MSH4: variants seen among roughly 807,000 people sequenced by gnomAD.
MSH4 encodes the protein mutS protein homolog 4.
Under a neutral mutation model 113.7 loss-of-function variants are expected in MSH4, and 106 were observed. The observed-to-expected ratio is 0.93, with a 90% CI of 0.80 to 1.10. The LOEUF (loss-of-function observed/expected upper bound fraction) is 1.10, where lower values mean the gene tolerates loss of function less well. MSH4 is among the 50% of genes least tolerant of loss of function. MSH4 has a pLI of 0.00. For synonymous variants in MSH4, 368 were observed against 380.2 expected, an observed-to-expected ratio of 0.97 and a Z score of 0.37; for missense variants, 1,061 against 1,093.7, an observed-to-expected ratio of 0.97 and a Z score of 0.42.
At chr1:75,901,117 A>G (rs1652496123) in intron 19 of MSH4, among the ~76,000 whole-genome samples, 1 of 152,198 alleles carries the variant, frequency 6.6e-6, no homozygotes, top group African/African-American at 2.4e-5. Flanking sequence ...AAATCAGGGT[A>G]GTTGGGATAG....
intron 7 of MSH4, among the ~76,000 whole-genome samples, chr1:75,823,420 C>T (rs1650474649): frequency 6.6e-6 from 1 of 152,088 alleles, no homozygotes; most frequent in South Asian, 2.1e-4. Context: ...GGAGAACTCA[C>T]CCTAACACAG....
At chr1:75,842,666 G>T (rs1038844197) in intron 7 of MSH4, among the ~76,000 whole-genome samples, 1 of 152,210 alleles carries the variant, frequency 6.6e-6, no homozygotes, top group Admixed American at 6.5e-5. Context: ...CGAGCCTTCT[G>T]TTATGCCCGG....
chr1:75,850,603 AC>A (rs1380396154), intron 8 of MSH4, among the ~76,000 whole-genome samples: 1 of 152,060 alleles, frequency 6.6e-6, no homozygotes, highest in Non-Finnish European at 1.5e-5. Flanking sequence ...TTCCATGTGA[AC>A]TTGAAAACAA....
chr1:75,862,627 T>C (rs933647590), intron 8 of MSH4, among the ~76,000 whole-genome samples: 1 of 152,210 alleles, frequency 6.6e-6, no homozygotes, highest in African/African-American at 2.4e-5. Flanking sequence ...TTATTTCTTA[T>C]AATGTTTCTC....
At chr1:75,886,696 T>C (rs1652126993) in intron 15 of MSH4, among the ~76,000 whole-genome samples, 1 of 130,830 alleles carries the variant, frequency 7.6e-6, no homozygotes, top group South Asian at 2.2e-4. Context: ...TAATGTATAA[T>C]ATATAAATAT....
chr1:75,895,389 A>C (rs927362742), intron 17 of MSH4, among the ~76,000 whole-genome samples: 1 of 152,218 alleles, frequency 6.6e-6, no homozygotes, highest in African/African-American at 2.4e-5. Context: ...AAGACCTTTC[A>C]GGAATGAAGA....
At chr1:75,892,260 C>T (rs980410225) in intron 17 of MSH4, among the ~76,000 whole-genome samples, 2 of 152,128 alleles carry the variant, frequency 1.3e-5, no homozygotes, top group Non-Finnish European at 2.9e-5. Flanking sequence ...TGGAGTTGTA[C>T]CATTGGCTCT....
intron 19 of MSH4, among the ~76,000 whole-genome samples, chr1:75,909,597 TCCCGCA>T (rs1652743765): frequency 6.6e-6 from 1 of 152,004 alleles, no homozygotes; most frequent in African/African-American, 2.4e-5. Context: ...AGGTTTTAAG[TCCCGCA>T]TGCATTAGAT....
At chr1:75,844,407 A>C (rs1253692997) in intron 7 of MSH4, among the ~76,000 whole-genome samples, 1 of 152,138 alleles carries the variant, frequency 6.6e-6, no homozygotes, top group Non-Finnish European at 1.5e-5. Flanking sequence ...GCTCACTGCA[A>C]CTTCTATCTC....
At position 75,822,429 on chromosome 1, in the gene MSH4, G is replaced by A. The variant is rs1359575088; in HGVS notation, c.1010G>A (p.Gly337Asp). Residue 337 changes from glycine to aspartate, a missense_variant, in exon 7 of 20, where the codon GGT becomes GAT. Coordinates refer to ENST00000263187, the MANE Select transcript of MSH4 (RefSeq NM_002440.4). ...GAAAGGAATAATCACACTCTCTTTG[G>A]TGTTCTAAATTATACTAAGACTCCT... ...QDYRNNHTLFGVLNYTKTPGG... is the reference protein window; with the variant it reads ...QDYRNNHTLFDVLNYTKTPGG... 1 of 1,561,114 alleles carries A rather than the reference G, an allele frequency of 6.4e-7. No individual in the cohort carries two copies. The highest frequency in any genetic ancestry group is 8.6e-7 in the Non-Finnish European group (1 of 1,161,082).
chr1:75,905,925 T>G (rs999576788), intron 19 of MSH4, among the ~76,000 whole-genome samples: 1 of 152,172 alleles, frequency 6.6e-6, no homozygotes. Context: ...CCTTTACTTT[T>G]AGTCTAGTAT....
At chr1:75,804,887 G>A (rs903763426) in intron 2 of MSH4, among the ~76,000 whole-genome samples, 1 of 152,018 alleles carries the variant, frequency 6.6e-6, no homozygotes, top group African/African-American at 2.4e-5. Flanking sequence ...GGAATGCAGT[G>A]GCACAACTTG....
chr1:75,832,959 A>G (rs779293805), intron 7 of MSH4, among the ~76,000 whole-genome samples: 15 of 152,164 alleles, frequency 9.9e-5, no homozygotes, highest in Non-Finnish European at 2.1e-4. Context: ...AGAAAGAAAT[A>G]AAGGGTATTC....
chr1:75,851,155 T>C (rs1651178334), intron 8 of MSH4, among the ~76,000 whole-genome samples: 1 of 152,154 alleles, frequency 6.6e-6, no homozygotes, highest in South Asian at 2.1e-4. Flanking sequence ...TTACTTTTAA[T>C]TGAGGTATTT....
intron 19 of MSH4, among the ~76,000 whole-genome samples, chr1:75,910,255 CCTT>C (rs1451154539): frequency 1.3e-5 from 2 of 151,998 alleles, no homozygotes; most frequent in South Asian, 2.1e-4. Context: ...AATCCTTTGT[CCTT>C]CTTTTCACTT....
intron 19 of MSH4, among the ~76,000 whole-genome samples, chr1:75,905,115 T>C (rs902431968): frequency 6.6e-6 from 1 of 151,582 alleles, no homozygotes; most frequent in Non-Finnish European, 1.5e-5. Flanking sequence ...TTTGCTTTCC[T>C]AGCTTTGAGA....
chr1:75,887,619 A>G (rs1282818893), intron 15 of MSH4, among the ~76,000 whole-genome samples: 1 of 152,150 alleles, frequency 6.6e-6, no homozygotes, highest in African/African-American at 2.4e-5. Flanking sequence ...TAGATGAGTA[A>G]GTCAAAGTAT....
At chr1:75,882,670 A>ATTT (rs762000169) in intron 14 of MSH4, among the ~76,000 whole-genome samples, 2 of 147,128 alleles carry the variant, frequency 1.4e-5, no homozygotes, top group Non-Finnish European at 3.0e-5. Flanking sequence ...TTCTAAAAAA[A>ATTT]AAAAAAAAAA....
chr1:75,858,448 C>A (rs1469552200), intron 8 of MSH4, among the ~76,000 whole-genome samples: 1 of 152,076 alleles, frequency 6.6e-6, no homozygotes, highest in Non-Finnish European at 1.5e-5. Context: ...CCATTGATAC[C>A]CACTTTATTG....
Sources: allele counts gnomAD v4.1 joint callset (sites outside exome capture counted in the v4.1 genomes callset), GRCh38; gene constraint gnomAD v4.1.1; transcripts MANE v1.5; gene names NCBI Gene and HGNC (gene_info 2026-07-23, HGNC 2026-07-21).